PDLIM1: variants seen among roughly 807,000 people sequenced by gnomAD.
PDLIM1 encodes the protein PDZ and LIM domain protein 1.
A neutral mutation model predicts 35.2 loss-of-function variants in PDLIM1; 25 were observed. That is an observed-to-expected ratio of 0.71 (90% CI 0.52 to 0.99). The LOEUF (loss-of-function observed/expected upper bound fraction) is 0.99, where lower values mean the gene tolerates loss of function less well. Ranked by LOEUF, PDLIM1 falls within the 50% of genes least tolerant of loss-of-function variation. PDLIM1 has a pLI of 0.00. For missense variants in PDLIM1, 363 were observed against 415.3 expected (o/e 0.87, Z 1.09); for synonymous variants, 152 against 154.0 (o/e 0.99, Z 0.10).
At chr10:95,269,241 C>G (rs1196998878) in intron 2 of PDLIM1, among the ~76,000 whole-genome samples, 1 of 152,200 alleles carries the variant, frequency 6.6e-6, no homozygotes, top group Non-Finnish European at 1.5e-5. Context: ...GACCAAATAA[C>G]CAACTTATTT....
intron 3 of PDLIM1, among the ~76,000 whole-genome samples, chr10:95,264,557 CA>C (rs1192057559): frequency 1.3e-5 from 2 of 152,300 alleles, no homozygotes; most frequent in East Asian, 3.9e-4. Flanking sequence ...TGTGGTGTCA[CA>C]GGGGAAGCAG....
chr10:95,288,103 A>G (rs1292550358), intron 1 of PDLIM1, among the ~76,000 whole-genome samples: 1 of 152,186 alleles, frequency 6.6e-6, no homozygotes, highest in East Asian at 1.9e-4. Flanking sequence ...TGACTTGGGT[A>G]GTGATTATAC....
At chr10:95,289,475 C>T (rs1263636236) in intron 1 of PDLIM1, among the ~76,000 whole-genome samples, 1 of 152,068 alleles carries the variant, frequency 6.6e-6, no homozygotes, top group African/African-American at 2.4e-5. Flanking sequence ...AAAACTGGCC[C>T]GCCTACTCTT....
intron 1 of PDLIM1, among the ~76,000 whole-genome samples, chr10:95,283,009 C>T (rs1189280365): frequency 1.3e-5 from 2 of 152,132 alleles, no homozygotes; most frequent in Non-Finnish European, 2.9e-5. Context: ...TTTTAAATAG[C>T]TCCAACAGCT....
At chr10:95,287,854 G>C (rs1310501234) in intron 1 of PDLIM1, among the ~76,000 whole-genome samples, 1 of 151,600 alleles carries the variant, frequency 6.6e-6, no homozygotes, top group Non-Finnish European at 1.5e-5. Flanking sequence ...GGAAACCTGG[G>C]TTGAAATTTT....
rs1249951578 is a variant in PDLIM1, at chr10:95,237,709, G to GGCGAAGGGACAAGTGTTGC, written c.*215_*216insGCAACACTTGTCCCTTCGC. ...GAAGGGACACAGTGTTGCTGACAAGGTGACACTGAACAAAACAGTTTTCCT... is the reference window on the plus strand; with the variant it reads ...GAAGGGACACAGTGTTGCTGACAAGGGCGAAGGGACAAGTGTTGCTGACACTGAACAAAACAGTTTTCCT... On this transcript the variant is annotated 3_prime_UTR_variant, in exon 7 of 7. Transcript: ENST00000329399. 7.3e-6 allele frequency: 4 copies of GGCGAAGGGACAAGTGTTGC among 547,876 alleles called. No individual in the cohort carries two copies. Among genetic ancestry groups the GGCGAAGGGACAAGTGTTGC allele is most frequent in the Non-Finnish European group, 1.3e-5 (4 of 308,006 alleles). The allele number at this position is 547,876 out of a possible 1,614,324, so 33.9% of individuals were successfully genotyped here. A position where few individuals can be genotyped will look rare whatever the true frequency, so the allele number is the denominator to read the frequency against.
In PDLIM1 at chr10:95,263,876, G is replaced by A. The variant is rs150307882; in HGVS notation, c.521C>T (p.Ala174Val). The A allele has an allele frequency of 5.1e-5, 83 of 1,612,242 alleles. No individual in the cohort carries two copies. The highest frequency in any genetic ancestry group is 4.4e-4 in the African/African-American group (33 of 75,036). The change falls in exon 4 of 7, where the codon GCG (alanine) becomes GTG (valine). Residue 174 changes from alanine to valine, a missense_variant. Transcript: ENST00000329399. ...CTGGGCTACTTACGGTCTGCTGTTC[G>A]CCTCCACCCCGCTGGCAGCAGTCTT... The part of the protein sequence containing the change: ...ESKTAASGVE[A>V]NSRPLDHAQP...
chr10:95,263,120 G>A (rs2035380120), intron 4 of PDLIM1, among the ~76,000 whole-genome samples: 1 of 151,408 alleles, frequency 6.6e-6, no homozygotes, highest in Admixed American at 6.6e-5. Flanking sequence ...ACTCCAGCCT[G>A]GGTGACAGAG....
chr10:95,281,078 T>C (rs2133440760), intron 1 of PDLIM1, among the ~76,000 whole-genome samples: 1 of 152,322 alleles, frequency 6.6e-6, no homozygotes, highest in Admixed American at 6.5e-5. Context: ...AGATGATGAC[T>C]ATGACTATCT....
At chr10:95,247,122 G>T in intron 5 of PDLIM1, 93 bp downstream of exon 5, 2 of 1,087,802 alleles carry the variant, frequency 1.8e-6, no homozygotes, top group Non-Finnish European at 2.7e-6. Flanking sequence ...CTCCAAAGCA[G>T]GCTCCAGAGT....
chr10:95,276,692 T>A (rs1009299986), intron 1 of PDLIM1, among the ~76,000 whole-genome samples: 6 of 151,996 alleles, frequency 3.9e-5, no homozygotes, highest in Non-Finnish European at 5.9e-5. Context: ...AGACAGGCAA[T>A]GTTATCTGCA....
intron 3 of PDLIM1, among the ~76,000 whole-genome samples, chr10:95,264,957 C>T (rs2035399517): frequency 2.2e-5 from 2 of 91,776 alleles, no homozygotes; most frequent in Non-Finnish European, 5.9e-5. Flanking sequence ...TTTCTGATAG[C>T]CCAATCAGCA....
intron 1 of PDLIM1, 82 bp from the exon 2 acceptor site, chr10:95,271,866 T>C (rs866377190): frequency 2.4e-5 from 32 of 1,322,560 alleles, no homozygotes; most frequent in Middle Eastern, 3.6e-4. Flanking sequence ...TTCACTGATA[T>C]GGAGCAAAGC....
Position 95,247,135 on chromosome 10 carries a change from G to A in PDLIM1, c.685+80C>T, listed in dbSNP as rs112099064. The A allele has an allele frequency of 3.3e-4, 433 of 1,303,086 alleles. 1 individual carries two copies. The African/African-American group carries it at 5.7e-3, about 17-fold the overall frequency. The allele number at this position is 1,303,086 out of a possible 1,614,324, so 80.7% of individuals were successfully genotyped here. A position where few individuals can be genotyped will look rare whatever the true frequency, so the allele number is the denominator to read the frequency against. On this transcript the variant is annotated intron_variant, in intron 5 of 6. Coordinates refer to ENST00000329399, the MANE Select transcript of PDLIM1 (RefSeq NM_020992.4). ...CCCTCCAAAGCAGGCTCCAGAGTGT[G>A]TTCACCTGTGCTTCCACAATGACTG...
chr10:95,271,038 C>T (rs983297960), intron 2 of PDLIM1, among the ~76,000 whole-genome samples: 13 of 151,824 alleles, frequency 8.6e-5, no homozygotes, highest in African/African-American at 3.1e-4. Context: ...AAGAGAGCCA[C>T]CGCACCTGGC....
chr10:95,238,551 G>A lies in PDLIM1; in HGVS notation c.803+17C>T. On this transcript the variant is annotated intron_variant, in intron 6 of 6. Coordinates refer to ENST00000329399, the MANE Select transcript of PDLIM1 (RefSeq NM_020992.4). ...AACCTGCAGGGTCTGCAAAGGCTGT[G>A]GGAAGCAGATACTCACACAATCCCA... The A allele has an allele frequency of 6.8e-7, 1 of 1,466,576 alleles. No homozygotes were observed. Among genetic ancestry groups the A allele is most frequent in the Non-Finnish European group, 9.6e-7 (1 of 1,046,452 alleles). 90.8% of individuals were successfully genotyped at this position (1,466,576 alleles called of 1,614,324 possible). A position where few individuals can be genotyped will look rare whatever the true frequency, so the allele number is the denominator to read the frequency against.
At chr10:95,261,067 G>A (rs940933138) in intron 4 of PDLIM1, among the ~76,000 whole-genome samples, 4 of 152,208 alleles carry the variant, frequency 2.6e-5, no homozygotes, top group African/African-American at 9.6e-5. Context: ...TCTGCAAAGA[G>A]ACAAATTTTG....
At chr10:95,260,514 A>G (rs1420387054) in intron 4 of PDLIM1, among the ~76,000 whole-genome samples, 1 of 152,140 alleles carries the variant, frequency 6.6e-6, no homozygotes, top group Admixed American at 6.5e-5. Context: ...GACCTAGAGG[A>G]AAAAGGCCAC....
At position 95,271,532 on chromosome 10, in the gene PDLIM1, A is replaced by G. The variant is rs1218647899; in HGVS notation, c.248+101T>C. 4 of 963,764 alleles carry G rather than the reference A, an allele frequency of 4.2e-6. No individual in the cohort carries two copies. The East Asian group carries it at 1.0e-4, about 24-fold the overall frequency. The allele number at this position is 963,764 out of a possible 1,614,324, so 59.7% of individuals were successfully genotyped here. On this transcript the variant is annotated intron_variant, in intron 2 of 6. Transcript: ENST00000329399. ...TGCCTATAGTATATACATGGCACTGAGCTAGGAGGTCTGGGGGATTCTGAG... is the reference window on the plus strand; with the variant it reads ...TGCCTATAGTATATACATGGCACTGGGCTAGGAGGTCTGGGGGATTCTGAG...
Sources: allele counts gnomAD v4.1 joint callset (sites outside exome capture counted in the v4.1 genomes callset), GRCh38; gene constraint gnomAD v4.1.1; transcripts MANE v1.5; gene names NCBI Gene and HGNC (gene_info 2026-07-23, HGNC 2026-07-21).